CDH2: variants seen among roughly 807,000 people sequenced by gnomAD.
The protein encoded by CDH2 is cadherin 2.
In CDH2, 17 loss-of-function variants were observed where a neutral mutation model predicts 92.0. The ratio of observed to expected loss-of-function variants is 0.18; its 90% CI spans 0.13 to 0.28. CDH2 has a LOEUF of 0.28. Ranked by LOEUF, CDH2 falls within the 10% of genes least tolerant of loss-of-function variation. The pLI is 1.00. For synonymous variants in CDH2, 419 were observed against 415.9 expected, an observed-to-expected ratio of 1.01 and a Z score of -0.09; for missense variants, 862 against 1,133.1, an observed-to-expected ratio of 0.76 and a Z score of 3.44.
At chr18:28,062,930 G>A (rs1467459491) in intron 2 of CDH2, among the ~76,000 whole-genome samples, 4 of 152,182 alleles carry the variant, frequency 2.6e-5, no homozygotes, top group East Asian at 1.9e-4. Context: ...CCGAGATCAC[G>A]CCACTGCACT....
chr18:28,087,591 G>GA (rs955876142), intron 2 of CDH2, among the ~76,000 whole-genome samples: 2 of 150,520 alleles, frequency 1.3e-5, no homozygotes, highest in Non-Finnish European at 1.5e-5. Flanking sequence ...GGGTTAAGAA[G>GA]AAAAAAAAAT....
intron 1 of CDH2, among the ~76,000 whole-genome samples, chr18:28,161,561 CAG>C (rs1466702040): frequency 7.5e-6 from 1 of 133,366 alleles, no homozygotes; most frequent in Non-Finnish European, 1.5e-5. Context: ...GCCTGGGTGA[CAG>C]AGTGAAACCC....
chr18:28,027,809 A>G (rs2013595778), intron 2 of CDH2, among the ~76,000 whole-genome samples: 1 of 151,416 alleles, frequency 6.6e-6, no homozygotes, highest in Non-Finnish European at 1.5e-5. Flanking sequence ...CCAGCTAAAA[A>G]TATATAAAAT....
intron 2 of CDH2, among the ~76,000 whole-genome samples, chr18:28,123,422 A>C (rs2015624369): frequency 6.6e-6 from 1 of 152,196 alleles, no homozygotes; most frequent in African/African-American, 2.4e-5. Flanking sequence ...TATGTGATTA[A>C]GTCACAGATA....
intron 5 of CDH2, among the ~76,000 whole-genome samples, chr18:28,007,165 A>AAAAAAATATATATATATATATATATAT (rs1172779200): frequency 4.5e-5 from 5 of 110,462 alleles, no homozygotes; most frequent in Admixed American, 9.1e-5. Context: ...ATAAAAAAAA[A>AAAAAAATATATATATATATATATATAT]ATATATATAT....
chr18:27,990,197 TG>T lies in CDH2; in HGVS notation c.1497del (p.Asn500IlefsTer17). 1 of 1,614,132 alleles carries T rather than the reference TG, an allele frequency of 6.2e-7. No individual in the cohort carries two copies. The highest frequency in any genetic ancestry group is 8.5e-7 in the Non-Finnish European group (1 of 1,180,000). ...TCTTCTTGGCGAATGATCTTAGGAT[TG>T]GGGGCAAAATAAGGGTTTTCATTTA... is the stretch of plus-strand genomic sequence containing the variant. ...IDVNENPYFAPNPKIIRQEEG... is the reference protein window; with the variant it reads ...IDVNENPYFAXNPKIIRQEEG... On this transcript the variant is annotated frameshift_variant, in exon 10 of 16. Transcript: ENST00000269141. LOFTEE classifies it high-confidence loss of function.
At chr18:28,084,676 A>G (rs746666672) in intron 2 of CDH2, among the ~76,000 whole-genome samples, 2 of 152,084 alleles carry the variant, frequency 1.3e-5, no homozygotes, top group African/African-American at 2.4e-5. Context: ...TGTTTCTTCC[A>G]CTTTGACCTG....
chr18:28,048,535 C>T (rs2014126052), intron 2 of CDH2, among the ~76,000 whole-genome samples: 1 of 152,142 alleles, frequency 6.6e-6, no homozygotes, highest in South Asian at 2.1e-4. Flanking sequence ...GGGTCAAATG[C>T]TCCCAAAGCA....
At chr18:27,955,008 C>T (rs1350196620) in intron 15 of CDH2, among the ~76,000 whole-genome samples, 1 of 152,158 alleles carries the variant, frequency 6.6e-6, no homozygotes, top group Non-Finnish European at 1.5e-5. Context: ...CAAGAAAAAT[C>T]AGGGAAATTC....
chr18:28,123,358 C>A (rs113332373), intron 2 of CDH2, among the ~76,000 whole-genome samples: 1 of 152,088 alleles, frequency 6.6e-6, no homozygotes, highest in Non-Finnish European at 1.5e-5. Flanking sequence ...AACCTGCAGG[C>A]GTAGTTTCAT....
intron 1 of CDH2, among the ~76,000 whole-genome samples, chr18:28,170,231 A>T (rs978822182): frequency 6.6e-6 from 1 of 152,152 alleles, no homozygotes; most frequent in Admixed American, 6.5e-5. Context: ...TCATTCTTAA[A>T]TCTACTGTTT....
chr18:28,009,783 G>A lies in CDH2; in HGVS notation c.636C>T (p.Ile212=). 1.2e-6 allele frequency: 2 copies of A among 1,614,020 alleles called. No individual in the cohort carries two copies. Among genetic ancestry groups the A allele is most frequent in the South Asian group, 2.2e-5 (2 of 91,072 alleles). Residue 212 remains isoleucine (I), a synonymous_variant, in exon 5 of 16, where the codon ATC becomes ATT. Transcript: ENST00000269141. ...CCGACAGCTGACCCGAGATGGGGTT[G>A]ATAATGAAGATACCAGTTGGAGGCT... ...ADQPPTGIFI[I]NPISGQLSVT...
chr18:28,082,660 A>G (rs1256488022), intron 2 of CDH2, among the ~76,000 whole-genome samples: 1 of 152,198 alleles, frequency 6.6e-6, no homozygotes, highest in Non-Finnish European at 1.5e-5. Context: ...AAAATGGTGC[A>G]TTATACATGT....
intron 2 of CDH2, among the ~76,000 whole-genome samples, chr18:28,027,837 T>C (rs1170714761): frequency 8.3e-6 from 1 of 120,344 alleles, no homozygotes; most frequent in Non-Finnish European, 1.8e-5. Context: ...GCTTAGGCAG[T>C]TTTGTTTTGT....
chr18:28,160,522 C>T (rs2016291518), intron 1 of CDH2, among the ~76,000 whole-genome samples: 1 of 152,214 alleles, frequency 6.6e-6, no homozygotes, highest in Admixed American at 6.5e-5. Flanking sequence ...ATTCTGACAG[C>T]TCGACCACTG....
At chr18:28,165,093 C>T (rs8091862) in intron 1 of CDH2, among the ~76,000 whole-genome samples, 45,305 of 152,100 alleles carry the variant, frequency 0.3, 8,154 homozygotes, top group African/African-American at 0.51. Context: ...TTGATTGTGT[C>T]TGTGTAAAAC....
rs373343775 is a variant in CDH2 at position 27,992,646 on chromosome 18, A to C, written c.1344+9T>G. On this transcript the variant is annotated intron_variant, in intron 9 of 15. Transcript: ENST00000269141. ...TGTTGGAGAGATCAGTGGCCCGAGGAACACTTACTTTGACCACGGTGACTA... is the reference window on the plus strand; with the variant it reads ...TGTTGGAGAGATCAGTGGCCCGAGGCACACTTACTTTGACCACGGTGACTA... 5.0e-6 allele frequency: 8 copies of C among 1,606,686 alleles called. No homozygotes were observed. Among genetic ancestry groups the C allele is most frequent in the Non-Finnish European group, 6.8e-6 (8 of 1,175,570 alleles).
chr18:27,988,374 T>C (rs2012301696), intron 11 of CDH2, 150 bp downstream of exon 11: 1 of 644,800 alleles, frequency 1.6e-6, no homozygotes. Context: ...CCAGAACACC[T>C]GTCTGAAATG....
At chr18:28,173,957 T>TA (rs1297925932) in intron 1 of CDH2, among the ~76,000 whole-genome samples, 3 of 152,148 alleles carry the variant, frequency 2.0e-5, no homozygotes, top group Non-Finnish European at 4.4e-5. Flanking sequence ...TTTTTTAATA[T>TA]AAAAAAGGCT....
Sources: gnomAD v4.1 joint callset for allele counts (sites outside exome capture counted in the v4.1 genomes callset) on GRCh38, gnomAD v4.1.1 for gene constraint, MANE v1.5 for transcripts, NCBI Gene and HGNC (gene_info 2026-07-23, HGNC 2026-07-21) for gene names.